Variants in LSM12 observed in about 807,000 individuals in gnomAD.
LSM12 encodes the protein LSM12 homolog.
For synonymous variants in LSM12, 74 were observed against 87.3 expected (o/e 0.85, Z 0.85); for missense variants, 108 against 238.9 (o/e 0.45, Z 3.61).
upstream of LSM12, chr17:44,066,685 G>C (rs2049885431): frequency 8.1e-7 from 1 of 1,237,368 alleles, no homozygotes; most frequent in African/African-American, 1.6e-5. Flanking sequence ...CACGGAGCGT[G>C]CTTGCGTCAC....
intron 2 of LSM12, among the ~76,000 whole-genome samples, 188 bp downstream of exon 2, chr17:44,063,613 T>G (rs963248151): frequency 6.6e-6 from 1 of 152,192 alleles, no homozygotes; most frequent in Non-Finnish European, 1.5e-5. Flanking sequence ...AGCTACTTCT[T>G]AAGATCTACT....
At chr17:44,039,216 G>C (rs1049565105) in intron 3 of LSM12, among the ~76,000 whole-genome samples, 2 of 152,010 alleles carry the variant, frequency 1.3e-5, no homozygotes, top group African/African-American at 2.4e-5. Flanking sequence ...CACCACGCCT[G>C]GCTAATTTTG....
intron 2 of LSM12, among the ~76,000 whole-genome samples, chr17:44,043,541 G>A (rs1245824970): frequency 6.9e-6 from 1 of 145,514 alleles, no homozygotes. Context: ...TAACAAGGAG[G>A]AGTTTCCTTT....
At chr17:44,040,509 T>C in intron 2 of LSM12, among the ~76,000 whole-genome samples, 1 of 152,178 alleles carries the variant, frequency 6.6e-6, no homozygotes, top group Admixed American at 6.5e-5. Context: ...TTCACTATGC[T>C]AGGCTAAATA....
intron 1 of LSM12, among the ~76,000 whole-genome samples, chr17:44,065,669 G>A (rs890228429): frequency 6.6e-6 from 1 of 152,112 alleles, no homozygotes; most frequent in Non-Finnish European, 1.5e-5. Context: ...TCAAAAGGGA[G>A]GCTGCTACTA....
At chr17:44,047,988 G>A (rs1200815333) in intron 2 of LSM12, among the ~76,000 whole-genome samples, 2 of 149,430 alleles carry the variant, frequency 1.3e-5, no homozygotes, top group Non-Finnish European at 3.0e-5. Flanking sequence ...TTCAAGACCA[G>A]TGTGGACAAC....
chr17:44,040,320 G>C, intron 2 of LSM12, 64 bp from the exon 3 acceptor site: 1 of 1,243,888 alleles, frequency 8.0e-7, no homozygotes, highest in Non-Finnish European at 1.2e-6. Flanking sequence ...CAACAGTCAG[G>C]ACCTAAGCTG....
rs144774734 is a variant in LSM12 at position 44,063,825 on chromosome 17, G to A, written c.234C>T (p.Pro78=). 195 of 1,613,768 alleles carry A rather than the reference G, an allele frequency of 1.2e-4. No homozygotes were observed. The African/African-American group carries it at 2.2e-3, about 19-fold the overall frequency. ...CCTTACTAACATTGAGTGAAGCTAG[G>A]GGAGGAGGGGTTTCTGTTCGGTCAT... The part of the protein sequence containing the change: ...IINDRTETPP[P]LASLNVSKLA... The change falls in exon 2 of 5, where the codon CCC becomes CCT. Residue 78 remains proline (P), a synonymous_variant. Coordinates refer to ENST00000293406, the MANE Select transcript of LSM12 (RefSeq NM_001371445.1).
chr17:44,037,892 A>C (rs2049435789), intron 3 of LSM12, among the ~76,000 whole-genome samples: 1 of 152,198 alleles, frequency 6.6e-6, no homozygotes, highest in Non-Finnish European at 1.5e-5. Context: ...CTTGTAACAA[A>C]CATTTTAGGC....
intron 2 of LSM12, among the ~76,000 whole-genome samples, chr17:44,061,988 G>A (rs1274002473): frequency 3.3e-5 from 5 of 152,102 alleles, no homozygotes; most frequent in African/African-American, 9.7e-5. Context: ...TTGGGAGGCC[G>A]AGGCGGGCGG....
intron 2 of LSM12, among the ~76,000 whole-genome samples, chr17:44,044,950 A>G (rs1474033708): frequency 6.6e-6 from 1 of 152,232 alleles, no homozygotes; most frequent in East Asian, 1.9e-4. Flanking sequence ...GGAGAGAACC[A>G]ATAAAAGCTG....
intron 2 of LSM12, among the ~76,000 whole-genome samples, chr17:44,059,195 T>TAC (rs927202249): frequency 8.6e-5 from 13 of 151,640 alleles, no homozygotes; most frequent in Admixed American, 3.3e-4. Context: ...CACACACACA[T>TAC]ACACACACAC....
chr17:44,052,032 G>A (rs371022514), intron 2 of LSM12, among the ~76,000 whole-genome samples: 3 of 151,842 alleles, frequency 2.0e-5, no homozygotes, highest in African/African-American at 4.8e-5. Flanking sequence ...TGTTTGAACC[G>A]GGGAGGCGGA....
intron 4 of LSM12, chr17:44,036,830 C>T (rs1597880821): frequency 6.4e-6 from 1 of 157,156 alleles, no homozygotes; most frequent in East Asian, 1.9e-4. Context: ...CTAAGAAAAA[C>T]CCAATATGGG....
rs1037657197 is a variant in LSM12 at position 44,063,896 on chromosome 17, T to C, written c.163A>G (p.Ile55Val). The C allele has an allele frequency of 1.9e-6, 3 of 1,613,706 alleles. No homozygotes were observed. The highest frequency in any genetic ancestry group is 1.3e-5 in the African/African-American group (1 of 74,896). ...ACATACTGTAAGTTTATGAGCAAGA[T>C]GTCTGCATGGTTGGGCTTTCCACTG... ...SSSGKPNHAD[I>V]LLINLQYVSE... is the part of the protein sequence containing the mutation. Residue 55 changes from isoleucine (I) to valine (V), a missense_variant, in exon 2 of 5, where the codon ATC (isoleucine) becomes GTC (valine). Coordinates refer to ENST00000293406, the MANE Select transcript of LSM12 (RefSeq NM_001371445.1).
At position 44,034,653 on chromosome 17, in the gene LSM12, G is replaced by C. The variant is rs1455267097; in HGVS notation, c.*1555C>G. 1 of 151,228 alleles carries C rather than the reference G, an allele frequency of 6.6e-6. No homozygotes were observed. Among genetic ancestry groups the C allele is most frequent in the Non-Finnish European group, 1.5e-5 (1 of 67,766 alleles). 9.4% of individuals were successfully genotyped at this position (151,228 alleles called of 1,614,324 possible). A position where few individuals can be genotyped will look rare whatever the true frequency, so the allele number is the denominator to read the frequency against. On this transcript the variant is annotated 3_prime_UTR_variant, in exon 5 of 5. Transcript: ENST00000293406. ...ACATGAGTGATGGTTAAAAAAATTT[G>C]GGTTTTATTGTTTTTGCTAAATAAT...
At chr17:44,056,592 G>A (rs1400398917) in intron 2 of LSM12, among the ~76,000 whole-genome samples, 1 of 151,734 alleles carries the variant, frequency 6.6e-6, no homozygotes, top group Non-Finnish European at 1.5e-5. Context: ...ACTCAGGAGG[G>A]TGAGGCAGAA....
rs2049412021 is a variant in LSM12, at chr17:44,036,069, T to G, written c.*139A>C. 3.0e-6 allele frequency: 2 copies of G among 660,942 alleles called. No individual in the cohort carries two copies. The highest frequency in any genetic ancestry group is 5.7e-5 in the East Asian group (2 of 35,370). 40.9% of individuals were successfully genotyped at this position (660,942 alleles called of 1,614,324 possible). A position where few individuals can be genotyped will look rare whatever the true frequency, so the allele number is the denominator to read the frequency against. ...GTTGGGTGTTTTGTTTGTTCAAGTC[T>G]AAGATTTGGAAATGCTGACCCTTTG... On this transcript the variant is annotated 3_prime_UTR_variant, in exon 5 of 5. Transcript: ENST00000293406.
intron 2 of LSM12, among the ~76,000 whole-genome samples, chr17:44,048,528 C>T (rs1291223868): frequency 6.6e-6 from 1 of 150,912 alleles, no homozygotes; most frequent in Non-Finnish European, 1.5e-5. Context: ...ATGACTATCA[C>T]CCATACTACA....
Sources: allele counts gnomAD v4.1 joint callset (sites outside exome capture counted in the v4.1 genomes callset), GRCh38; gene constraint gnomAD v4.1.1; transcripts MANE v1.5; gene names NCBI Gene and HGNC (gene_info 2026-07-23, HGNC 2026-07-21).